The following KHDRBS2 variants were observed in gnomAD, a reference collection of about 807,000 sequenced individuals.
KHDRBS2 encodes the protein KH RNA binding domain containing, signal transduction associated 2, also known as KH domain-containing, RNA-binding, signal transduction-associated protein 2.
A neutral mutation model predicts 44.3 loss-of-function variants in KHDRBS2; 26 were observed. The ratio of observed to expected loss-of-function variants is 0.59; its 90% CI spans 0.43 to 0.81. The LOEUF is 0.81. Among genes scored for constraint, KHDRBS2 ranks in the 40% least tolerant of loss-of-function variants. KHDRBS2 has a pLI of 0.00. For synonymous variants in KHDRBS2, 194 were observed against 151.1 expected (o/e 1.28, Z -2.08); for missense variants, 476 against 433.1 (o/e 1.10, Z -0.88).
At chr6:61,702,347 C>G (rs1768820020) in intron 7 of KHDRBS2, among the ~76,000 whole-genome samples, 1 of 151,950 alleles carries the variant, frequency 6.6e-6, no homozygotes, top group South Asian at 2.1e-4. Flanking sequence ...TGGCTTCTCA[C>G]TAGCCTGGAT....
chr6:61,733,456 G>T (rs1039671411), intron 6 of KHDRBS2, among the ~76,000 whole-genome samples: 3 of 151,992 alleles, frequency 2.0e-5, no homozygotes, highest in Admixed American at 6.6e-5. Flanking sequence ...TTAGCCAGGC[G>T]TGGTGGTGTG....
At chr6:62,106,443 TG>T (rs1421480153) in intron 2 of KHDRBS2, among the ~76,000 whole-genome samples, 10 of 152,108 alleles carry the variant, frequency 6.6e-5, no homozygotes, top group South Asian at 2.1e-4. Context: ...TCAGGACTTC[TG>T]TTATGAATCT....
At chr6:62,226,241 G>C (rs1831798053) in intron 1 of KHDRBS2, among the ~76,000 whole-genome samples, 1 of 152,184 alleles carries the variant, frequency 6.6e-6, no homozygotes, top group South Asian at 2.1e-4. Flanking sequence ...TGACTGGCAT[G>C]AGATGGTATC....
chr6:62,024,582 A>C (rs1782953527), intron 3 of KHDRBS2, among the ~76,000 whole-genome samples: 1 of 151,628 alleles, frequency 6.6e-6, no homozygotes, highest in Non-Finnish European at 1.5e-5. Flanking sequence ...TGAAAATAAA[A>C]TAATTTTATT....
chr6:61,563,432 T>C, the KHDRBS2 span, among the ~76,000 whole-genome samples: 5 of 152,136 alleles, frequency 3.3e-5, no homozygotes, highest in Admixed American at 6.6e-5. Flanking sequence ...CTTCTGACGT[T>C]CTCTAATTAT....
chr6:62,218,957 T>C (rs1035967059), intron 1 of KHDRBS2, among the ~76,000 whole-genome samples: 1 of 151,842 alleles, frequency 6.6e-6, no homozygotes, highest in African/African-American at 2.4e-5. Context: ...CCAAATAATA[T>C]GTATGTGGAC....
chr6:61,800,509 T>G (rs1344976035), intron 6 of KHDRBS2, among the ~76,000 whole-genome samples: 3 of 152,156 alleles, frequency 2.0e-5, no homozygotes, highest in Non-Finnish European at 4.4e-5. Flanking sequence ...TACTGGGACA[T>G]AGTTGTGTAG....
intron 3 of KHDRBS2, among the ~76,000 whole-genome samples, chr6:62,008,861 A>C (rs1414813330): frequency 1.3e-5 from 2 of 152,184 alleles, no homozygotes; most frequent in Non-Finnish European, 2.9e-5. Flanking sequence ...CTCCCCAGCC[A>C]CGTGGAACTG....
chr6:61,590,381 C>T, the KHDRBS2 span, among the ~76,000 whole-genome samples: 1 of 152,110 alleles, frequency 6.6e-6, no homozygotes, highest in Non-Finnish European at 1.5e-5. Context: ...TCCCAAGAGA[C>T]CATCAAGGTG....
chr6:61,646,511 C>T, the KHDRBS2 span, among the ~76,000 whole-genome samples: 3 of 152,106 alleles, frequency 2.0e-5, no homozygotes, highest in Admixed American at 6.6e-5. Context: ...AAAAAAATAG[C>T]ATTTGGTAAT....
intron 2 of KHDRBS2, among the ~76,000 whole-genome samples, chr6:62,064,935 G>GA (rs1449371472): frequency 2.0e-5 from 3 of 150,836 alleles, no homozygotes; most frequent in Non-Finnish European, 4.4e-5. Context: ...AAATTTACAA[G>GA]AAAAAAACAA....
intron 7 of KHDRBS2, among the ~76,000 whole-genome samples, chr6:61,727,527 G>T (rs1773770806): frequency 1.3e-5 from 2 of 152,102 alleles, no homozygotes; most frequent in South Asian, 4.1e-4. Context: ...GAAAAATTTT[G>T]CAACCTATCC....
At chr6:61,607,313 T>C in the KHDRBS2 span, among the ~76,000 whole-genome samples, 1 of 151,384 alleles carries the variant, frequency 6.6e-6, no homozygotes, top group Admixed American at 6.6e-5. Flanking sequence ...CATAACATGC[T>C]AATACTGCAC....
intron 2 of KHDRBS2, among the ~76,000 whole-genome samples, chr6:62,110,546 GATAA>G (rs1342179338): frequency 2.0e-5 from 3 of 152,120 alleles, no homozygotes; most frequent in Non-Finnish European, 2.9e-5. Flanking sequence ...ACAGAACATG[GATAA>G]ATATTCAAAT....
chr6:62,063,409 G>C (rs374745036), intron 2 of KHDRBS2, among the ~76,000 whole-genome samples: 10,067 of 150,020 alleles, frequency 0.067, 380 homozygotes, highest in African/African-American at 0.072. Flanking sequence ...AATCCAGCAG[G>C]ACATCAAAAA....
chr6:61,792,351 A>G (rs1217541023), intron 6 of KHDRBS2, among the ~76,000 whole-genome samples: 1 of 151,346 alleles, frequency 6.6e-6, no homozygotes. Context: ...TACATAATCA[A>G]ATTTATTTAT....
At position 62,067,498 on chromosome 6, in the gene KHDRBS2, T is replaced by C. The variant is rs537017518; in HGVS notation, c.220-19504A>G. Among the ~76,000 whole-genome samples, 31 of 151,484 alleles carry C rather than the reference T, an allele frequency of 2.0e-4. No individual in the cohort carries two copies. In the South Asian group the frequency reaches 6.4e-3, roughly 31 times the overall value. Reference sequence around the variant, plus strand: ...CTGAGTGTACATTCAGTCATGTACCTCTACAGATGATTTTATGAACAGTAT... The same window carrying C: ...CTGAGTGTACATTCAGTCATGTACCCCTACAGATGATTTTATGAACAGTAT... On this transcript the variant is annotated intron_variant, in intron 2 of 8. Coordinates refer to ENST00000281156, the MANE Select transcript of KHDRBS2 (RefSeq NM_152688.4).
intron 4 of KHDRBS2, among the ~76,000 whole-genome samples, chr6:61,950,301 T>C (rs1419542953): frequency 3.3e-5 from 5 of 152,098 alleles, no homozygotes; most frequent in African/African-American, 1.2e-4. Flanking sequence ...TACTTTGGTG[T>C]AAATGATCGT....
At chr6:61,853,101 G>T (rs912995281) in intron 6 of KHDRBS2, among the ~76,000 whole-genome samples, 1 of 152,000 alleles carries the variant, frequency 6.6e-6, no homozygotes, top group Non-Finnish European at 1.5e-5. Context: ...TTTTGTCTTT[G>T]GCCTTTACAT....
Sources: gnomAD v4.1 joint callset for allele counts (sites outside exome capture counted in the v4.1 genomes callset) on GRCh38, gnomAD v4.1.1 for gene constraint, MANE v1.5 for transcripts, NCBI Gene and HGNC (gene_info 2026-07-23, HGNC 2026-07-21) for gene names.